Variants in SYT2 observed in about 807,000 individuals in gnomAD.
The protein encoded by SYT2 is synaptotagmin 2.
Under a neutral mutation model 39.9 loss-of-function variants are expected in SYT2, and 15 were observed. The observed-to-expected ratio is 0.38, with a 90% CI of 0.25 to 0.58. The LOEUF (loss-of-function observed/expected upper bound fraction) is 0.58, where lower values mean the gene tolerates loss of function less well. SYT2 is among the 20% of genes least tolerant of loss of function. The pLI is 0.70. For synonymous variants in SYT2, 181 were observed against 204.5 expected (o/e 0.89, Z 0.98); for missense variants, 389 against 530.3 (o/e 0.73, Z 2.62).
chr1:202,677,476 A>C (rs1366946978), intron 1 of SYT2, among the ~76,000 whole-genome samples: 1 of 152,222 alleles, frequency 6.6e-6, no homozygotes, highest in Non-Finnish European at 1.5e-5. Flanking sequence ...AAGTCCATGG[A>C]GGGATCCATA....
chr1:202,688,465 C>A (rs1653731622), intron 1 of SYT2, among the ~76,000 whole-genome samples: 1 of 152,204 alleles, frequency 6.6e-6, no homozygotes, highest in Non-Finnish European at 1.5e-5. Flanking sequence ...CAAGGATACT[C>A]CGATTCGGTC....
At chr1:202,617,331 G>A (rs528439641) in intron 1 of SYT2, among the ~76,000 whole-genome samples, 1 of 152,254 alleles carries the variant, frequency 6.6e-6, no homozygotes, top group Admixed American at 6.5e-5. Flanking sequence ...GTGATAGTGA[G>A]TTCTCATGAG....
chr1:202,621,781 G>A (rs1691209034), intron 1 of SYT2, among the ~76,000 whole-genome samples: 1 of 152,210 alleles, frequency 6.6e-6, no homozygotes, highest in African/African-American at 2.4e-5. Flanking sequence ...CAAAAAGTCA[G>A]GAGACTGGAA....
intron 1 of SYT2, 36 bp from the exon 2 acceptor site, chr1:202,605,825 C>A: frequency 1.3e-6 from 2 of 1,551,362 alleles, no homozygotes; most frequent in Non-Finnish European, 1.8e-6. Context: ...GGGTGAGCAT[C>A]CAGAGGTCGT....
intron 1 of SYT2, among the ~76,000 whole-genome samples, chr1:202,611,279 C>T (rs1165181444): frequency 6.6e-6 from 1 of 152,078 alleles, no homozygotes; most frequent in Non-Finnish European, 1.5e-5. Context: ...CATACCAGTT[C>T]CTTTTTGAAC....
chr1:202,625,289 G>A (rs12405675), intron 1 of SYT2, among the ~76,000 whole-genome samples: 3,402 of 60,562 alleles, frequency 0.056, 319 homozygotes, highest in East Asian at 0.32. Context: ...TGTGATGTTT[G>A]TGGTGTGTGC....
chr1:202,602,593 A>G (rs781007163), intron 4 of SYT2, 48 bp from the exon 5 acceptor site: 2 of 1,561,124 alleles, frequency 1.3e-6, no homozygotes, highest in Middle Eastern at 2.3e-4. Flanking sequence ...GGACTGCTCC[A>G]ATACCACAAC....
chr1:202,649,201 G>C (rs1349134001), intron 1 of SYT2, among the ~76,000 whole-genome samples: 1 of 152,258 alleles, frequency 6.6e-6, no homozygotes, highest in Non-Finnish European at 1.5e-5. Context: ...AGGAACTGGA[G>C]ACACTGAAAC....
Position 202,628,173 on chromosome 1 carries a change from G to A in SYT2, c.-17-22384C>T, listed in dbSNP as rs1691472224. Among the ~76,000 whole-genome samples, 2 of 152,212 alleles carry A rather than the reference G, an allele frequency of 1.3e-5. No individual in the cohort carries two copies. Among genetic ancestry groups the A allele is most frequent in the Admixed American group, 6.5e-5 (1 of 15,284 alleles). ...TCATTTCATCCGGGCCTTGTGAGGT[G>A]GGGACTGTGATTCCCATTTTGTAAT... is the stretch of plus-strand genomic sequence containing the variant. On this transcript the variant is annotated intron_variant, in intron 1 of 8. Transcript: ENST00000367268. This position sits in a 1 kb window ranked among gnomAD's most constrained non-coding sequence, Gnocchi z 4.2.
At chr1:202,691,483 T>C (rs1028820179) in intron 1 of SYT2, among the ~76,000 whole-genome samples, 1 of 151,694 alleles carries the variant, frequency 6.6e-6, no homozygotes, top group Non-Finnish European at 1.5e-5. Context: ...AGCCCGTCTC[T>C]ATAAAACACT....
Position 202,613,064 on chromosome 1 carries a change from C to G in SYT2, c.-17-7275G>C, listed in dbSNP as rs1159170707. Among the ~76,000 whole-genome samples, 5 of 88,738 alleles carry G rather than the reference C, an allele frequency of 5.6e-5. No individual in the cohort carries two copies. The South Asian group carries it at 1.5e-3, about 27-fold the overall frequency. 58.2% of individuals were successfully genotyped at this position (88,738 alleles called of 152,430 possible). Reference sequence around the variant, plus strand: ...TGCCACATTGCCGAACTCATTGGTTCTTCCTTTTTTTTTTTTTTTTTTTTT... The same window carrying G: ...TGCCACATTGCCGAACTCATTGGTTGTTCCTTTTTTTTTTTTTTTTTTTTT... On this transcript the variant is annotated intron_variant, in intron 1 of 8. Coordinates refer to ENST00000367268, the MANE Select transcript of SYT2 (RefSeq NM_177402.5).
chr1:202,642,147 CAGAG>C (rs1691932526), intron 1 of SYT2, among the ~76,000 whole-genome samples: 1 of 152,112 alleles, frequency 6.6e-6, no homozygotes. Context: ...TACTGAGGCC[CAGAG>C]TGGGTCAGTG....
At chr1:202,701,445 C>T (rs1241708970) in intron 1 of SYT2, among the ~76,000 whole-genome samples, 1 of 152,150 alleles carries the variant, frequency 6.6e-6, no homozygotes. Context: ...ACTTCTCATT[C>T]CATCACAGAG....
At chr1:202,662,808 G>C (rs944525852) in intron 1 of SYT2, among the ~76,000 whole-genome samples, 3 of 152,138 alleles carry the variant, frequency 2.0e-5, no homozygotes, top group South Asian at 2.1e-4. Context: ...CTGTAAAAGA[G>C]GGTTACTAAT....
Position 202,593,541 on chromosome 1 carries a change from A to C in SYT2, c.*3216T>G, listed in dbSNP as rs1267667800. 6.6e-6 allele frequency: 1 copy of C among 152,176 alleles called. No homozygotes were observed. The highest frequency in any genetic ancestry group is 1.5e-5 in the Non-Finnish European group (1 of 68,040). 9.4% of individuals were successfully genotyped at this position (152,176 alleles called of 1,614,324 possible). A position where few individuals can be genotyped will look rare whatever the true frequency, so the allele number is the denominator to read the frequency against. On this transcript the variant is annotated 3_prime_UTR_variant, in exon 9 of 9. Transcript: ENST00000367268. ...ACTGTGGCCTAATCCCTGCTATCTC[A>C]TCCTCTACTGAGGGACTCCAGGAAA... is the stretch of plus-strand genomic sequence containing the variant.
intron 1 of SYT2, among the ~76,000 whole-genome samples, chr1:202,640,349 G>C (rs988696138): frequency 6.7e-6 from 1 of 150,274 alleles, no homozygotes; most frequent in South Asian, 2.1e-4. Flanking sequence ...TTCACTTCAC[G>C]TATGAGAAAA....
intron 1 of SYT2, among the ~76,000 whole-genome samples, chr1:202,644,651 G>C (rs145323807): frequency 7.0e-4 from 107 of 152,040 alleles, no homozygotes; most frequent in African/African-American, 2.6e-3. Flanking sequence ...ACCAGGACTC[G>C]AGTTTGGGGT....
At chr1:202,681,613 C>A (rs141825310) in intron 1 of SYT2, among the ~76,000 whole-genome samples, 2 of 152,226 alleles carry the variant, frequency 1.3e-5, no homozygotes, top group African/African-American at 4.8e-5. Context: ...CAAAAAGGAA[C>A]AGAGAGCAGG....
At chr1:202,677,657 A>G (rs1255244919) in intron 1 of SYT2, among the ~76,000 whole-genome samples, 1 of 152,218 alleles carries the variant, frequency 6.6e-6, no homozygotes, top group East Asian at 1.9e-4. Flanking sequence ...CCCTGCTCAA[A>G]CTGTAGATTT....
Sources: gnomAD v4.1 joint callset for allele counts (sites outside exome capture counted in the v4.1 genomes callset) on GRCh38, gnomAD v4.1.1 for gene constraint, Gnocchi (gnomAD v3.1) non-coding constraint, MANE v1.5 for transcripts, NCBI Gene and HGNC (gene_info 2026-07-23, HGNC 2026-07-21) for gene names.